SLC38A9: variants seen among roughly 807,000 people sequenced by gnomAD.
The protein encoded by SLC38A9 is solute carrier family 38 member 9.
Under a neutral mutation model 62.3 loss-of-function variants are expected in SLC38A9, and 48 were observed. The observed-to-expected ratio is 0.77, with a 90% CI of 0.61 to 0.98. The LOEUF (loss-of-function observed/expected upper bound fraction) is 0.98, where lower values mean the gene tolerates loss of function less well. Among genes scored for constraint, SLC38A9 ranks in the 50% least tolerant of loss-of-function variants. The pLI, the probability that SLC38A9 is intolerant of heterozygous loss-of-function variation, is 0.00. For missense variants in SLC38A9, 541 were observed against 679.8 expected, an observed-to-expected ratio of 0.80 and a Z score of 2.27; for synonymous variants, 204 against 227.7, an observed-to-expected ratio of 0.90 and a Z score of 0.94.
intron 3 of SLC38A9, among the ~76,000 whole-genome samples, chr5:55,679,425 T>G (rs1489747057): frequency 1.3e-5 from 2 of 152,146 alleles, no homozygotes; most frequent in African/African-American, 4.8e-5. Flanking sequence ...GGCCCATGTA[T>G]TTTATTACAG....
Position 55,626,165 on chromosome 5 carries a change from C to T in SLC38A9, c.*329G>A. On this transcript the variant is annotated 3_prime_UTR_variant, in exon 16 of 16. Coordinates refer to ENST00000396865, the MANE Select transcript of SLC38A9 (RefSeq NM_173514.4). ...TCTGACACCCTGAGAATCTTTACTG[C>T]AGGCAAAATAAATCCACCACCTTTT... is the stretch of plus-strand genomic sequence containing the variant. 5.4e-6 allele frequency: 1 copy of T among 184,876 alleles called. No homozygotes were observed. The highest frequency in any genetic ancestry group is 5.6e-5 in the Admixed American group (1 of 17,700). 11.5% of individuals were successfully genotyped at this position (184,876 alleles called of 1,614,324 possible). A position where few individuals can be genotyped will look rare whatever the true frequency, so the allele number is the denominator to read the frequency against.
chr5:55,670,048 G>A (rs369952008), intron 4 of SLC38A9, among the ~76,000 whole-genome samples, 169 bp from the exon 5 acceptor site: 25 of 151,986 alleles, frequency 1.6e-4, no homozygotes, highest in African/African-American at 6.0e-4. Context: ...CACTGCAAGC[G>A]CCGCCTCCTG....
chr5:55,677,767 G>A (rs1179716253), intron 3 of SLC38A9, among the ~76,000 whole-genome samples: 1 of 150,140 alleles, frequency 6.7e-6, no homozygotes, highest in African/African-American at 2.5e-5. Context: ...GATCTCAACT[G>A]ATCCTCCTGC....
intron 11 of SLC38A9, among the ~76,000 whole-genome samples, chr5:55,646,547 G>A (rs966617952): frequency 2.6e-5 from 4 of 152,002 alleles, no homozygotes; most frequent in African/African-American, 9.7e-5. Flanking sequence ...AATTATGAAA[G>A]GGCAAACTGG....
intron 12 of SLC38A9, among the ~76,000 whole-genome samples, chr5:55,640,525 G>C (rs1365913547): frequency 6.6e-6 from 1 of 152,174 alleles, no homozygotes; most frequent in African/African-American, 2.4e-5. Context: ...CATGCATTAA[G>C]AACGCCCATC....
At chr5:55,695,085 C>A (rs1167860128) in intron 3 of SLC38A9, among the ~76,000 whole-genome samples, 5 of 152,114 alleles carry the variant, frequency 3.3e-5, no homozygotes, top group African/African-American at 4.8e-5. Context: ...AAAACAAAAA[C>A]TCTAAGTCCT....
chr5:55,637,363 C>G (rs554202316), intron 12 of SLC38A9, among the ~76,000 whole-genome samples: 2 of 152,208 alleles, frequency 1.3e-5, no homozygotes, highest in African/African-American at 4.8e-5. Context: ...TCTGTTCTCA[C>G]GGCACTATAT....
intron 14 of SLC38A9, among the ~76,000 whole-genome samples, chr5:55,632,375 T>C (rs1743621174): frequency 6.6e-6 from 1 of 152,050 alleles, no homozygotes; most frequent in African/African-American, 2.4e-5. Context: ...GAGGTGGAGC[T>C]TGCAGTGAGC....
chr5:55,687,683 AT>A lies in SLC38A9; in HGVS notation c.113+10162del, dbSNP rs1057162616. Among the ~76,000 whole-genome samples, 20 of 151,788 alleles carry A rather than the reference AT, an allele frequency of 1.3e-4. No homozygotes were observed. In the South Asian group the frequency reaches 3.3e-3, roughly 25 times the overall value. ...TAATTAGCTGTATTCCTAGTATTTT[AT>A]TTTTTTATTATGTATTTATGTATTT... On this transcript the variant is annotated intron_variant, in intron 3 of 15. Coordinates refer to ENST00000396865, the MANE Select transcript of SLC38A9 (RefSeq NM_173514.4).
intron 2 of SLC38A9, among the ~76,000 whole-genome samples, chr5:55,701,395 C>T (rs3846507): frequency 0.6 from 91,234 of 152,038 alleles, 27,949 homozygotes; most frequent in South Asian, 0.7. Flanking sequence ...GATAAAATCT[C>T]TTTCTACTTG....
At chr5:55,701,860 G>A (rs956476953) in intron 2 of SLC38A9, among the ~76,000 whole-genome samples, 6 of 152,194 alleles carry the variant, frequency 3.9e-5, no homozygotes, top group African/African-American at 7.2e-5. Flanking sequence ...GGCAGAGTTG[G>A]AATTAAAAAC....
At chr5:55,702,765 T>C (rs999644384) in intron 2 of SLC38A9, 1 of 152,182 alleles carries the variant, frequency 6.6e-6, no homozygotes, top group Non-Finnish European at 1.5e-5. Flanking sequence ...ACACAGATGT[T>C]AGTAACATGT....
intron 8 of SLC38A9, among the ~76,000 whole-genome samples, chr5:55,659,152 A>G (rs1748998829): frequency 6.6e-6 from 1 of 152,092 alleles, no homozygotes; most frequent in South Asian, 2.1e-4. Flanking sequence ...CTGATATCCC[A>G]CAATAAACAT....
intron 3 of SLC38A9, chr5:55,692,814 G>A: frequency 1.0e-6 from 1 of 984,832 alleles, no homozygotes; most frequent in Non-Finnish European, 1.2e-6. Context: ...AGAAAACCCT[G>A]AGCATTCAAG....
rs570614344 is a variant in SLC38A9 at position 55,682,125 on chromosome 5, T to A, written c.114-9430A>T. On this transcript the variant is annotated intron_variant, in intron 3 of 15. Transcript: ENST00000396865. ...GAGGAGCCTACATGCCCTTAACAGA[T>A]CCATGCCAGGGAGCATCTGAATAGG... Among the ~76,000 whole-genome samples the A allele has an allele frequency of 2.6e-4, 40 of 151,598 alleles. 1 individual carries two copies. In the South Asian group the frequency reaches 6.5e-3, roughly 25 times the overall value.
chr5:55,648,683 C>T (rs7704479), intron 11 of SLC38A9, among the ~76,000 whole-genome samples: 2 of 151,928 alleles, frequency 1.3e-5, no homozygotes, highest in Non-Finnish European at 2.9e-5. Flanking sequence ...AAATGGCCAA[C>T]AAACATATGA....
At position 55,669,291 on chromosome 5, in the gene SLC38A9, T is replaced by C. The variant is rs1750918578; in HGVS notation, c.463A>G (p.Ile155Val). 1.9e-6 allele frequency: 3 copies of C among 1,613,190 alleles called. No individual in the cohort carries two copies. Among genetic ancestry groups the C allele is most frequent in the South Asian group, 2.2e-5 (2 of 90,950 alleles). ...AGFTTGMCVIILMGLLTLYCC... is the reference protein window; with the variant it reads ...AGFTTGMCVIVLMGLLTLYCC... ...TAAAGTGTTAAAAGGCCCATCAGTA[T>C]GATGACACACATTCCAGTAGTAAAT... Residue 155 changes from isoleucine to valine, a missense_variant, in exon 7 of 16, where the codon ATA becomes GTA. Ile to Val is a conservative substitution (Grantham distance 29). Transcript: ENST00000396865.
In SLC38A9 at chr5:55,626,232, T is replaced by C. The variant is rs937255954; in HGVS notation, c.*262A>G. On this transcript the variant is annotated 3_prime_UTR_variant, in exon 16 of 16. Coordinates refer to ENST00000396865, the MANE Select transcript of SLC38A9 (RefSeq NM_173514.4). ...CCCAGCATGATTTCTTCCTAGGGCATACATTTCTATTCAGAAAAGACCACA... is the reference window on the plus strand; with the variant it reads ...CCCAGCATGATTTCTTCCTAGGGCACACATTTCTATTCAGAAAAGACCACA... 8 of 280,936 alleles carry C rather than the reference T, an allele frequency of 2.8e-5. No homozygotes were observed. Among genetic ancestry groups the C allele is most frequent in the African/African-American group, 1.7e-4 (8 of 46,048 alleles). The allele number at this position is 280,936 out of a possible 1,614,324, so 17.4% of individuals were successfully genotyped here. A position where few individuals can be genotyped will look rare whatever the true frequency, so the allele number is the denominator to read the frequency against.
intron 7 of SLC38A9, 22 bp downstream of exon 7, chr5:55,669,206 T>C (rs746480584): frequency 1.3e-6 from 2 of 1,567,880 alleles, no homozygotes; most frequent in South Asian, 2.2e-5. Context: ...CATAATCTAT[T>C]GTCACTGTGT....
Sources: allele counts gnomAD v4.1 joint callset (sites outside exome capture counted in the v4.1 genomes callset), GRCh38; gene constraint gnomAD v4.1.1; transcripts MANE v1.5; gene names NCBI Gene and HGNC (gene_info 2026-07-23, HGNC 2026-07-21).